The following CPLANE1 variants were observed in gnomAD, a reference collection of about 807,000 sequenced individuals.
The protein encoded by CPLANE1 is ciliogenesis and planar polarity effector 1.
A neutral mutation model predicts 362.5 loss-of-function variants in CPLANE1; 263 were observed. The ratio of observed to expected loss-of-function variants is 0.73; its 90% CI spans 0.66 to 0.80. The LOEUF (loss-of-function observed/expected upper bound fraction) is 0.80, where lower values mean the gene tolerates loss of function less well. Among genes scored for constraint, CPLANE1 ranks in the 30% least tolerant of loss-of-function variants. CPLANE1 has a pLI of 0.00. For synonymous variants in CPLANE1, 1,212 were observed against 1,302.6 expected, an observed-to-expected ratio of 0.93 and a Z score of 1.50; for missense variants, 3,461 against 3,793.4, an observed-to-expected ratio of 0.91 and a Z score of 2.30.
chr5:37,204,344 T>C (rs951965583), intron 18 of CPLANE1, among the ~76,000 whole-genome samples: 1 of 152,234 alleles, frequency 6.6e-6, no homozygotes, highest in Non-Finnish European at 1.5e-5. Context: ...ACAGTTGCCC[T>C]GGTTTTACAT....
At chr5:37,178,747 C>T (rs1781907667) in intron 29 of CPLANE1, among the ~76,000 whole-genome samples, 1 of 151,938 alleles carries the variant, frequency 6.6e-6, no homozygotes, top group South Asian at 2.1e-4. Context: ...TATACTACAG[C>T]TGAATTATAC....
rs200378178 is a variant in CPLANE1, at chr5:37,128,866, CA to C, written c.8793-3458del. On this transcript the variant is annotated intron_variant, in intron 46 of 52. Transcript: ENST00000651892. ...TCTGTCAAAAAAAACCAAAAAAAAA[CA>C]AAAAAAAAATCATCATTCTTCACCG... 6.8e-5 allele frequency among the ~76,000 whole-genome samples: 10 copies of C among 146,050 alleles called. No homozygotes were observed. The East Asian group carries it at 1.0e-3, about 15-fold the overall frequency.
rs767114557 is a variant in CPLANE1 at position 37,157,347 on chromosome 5, G to A, written c.8085C>T (p.Thr2695=). The change falls in exon 41 of 53, where the codon ACC becomes ACT. Residue 2695 remains threonine, a synonymous_variant. Transcript: ENST00000651892. The part of the protein sequence containing the change: ...GITEVKEPSV[T]SPTPSDIQQN... ...GCTGTATGTCTGATGGTGTAGGTGA[G>A]GTGACACTAGGCTCCTTCACTTCTG... The A allele has an allele frequency of 4.3e-6, 6 of 1,383,260 alleles. No individual in the cohort carries two copies. The allele number at this position is 1,383,260 out of a possible 1,614,324, so 85.7% of individuals were successfully genotyped here.
At chr5:37,111,393 G>T (rs1039867754) in intron 51 of CPLANE1, among the ~76,000 whole-genome samples, 1 of 151,948 alleles carries the variant, frequency 6.6e-6, no homozygotes, top group Admixed American at 6.6e-5. Context: ...CAAAGTGCTG[G>T]GATTGTACAG....
At position 37,201,629 on chromosome 5, in the gene CPLANE1, G is replaced by C. The variant is rs1188212004; in HGVS notation, c.3469C>G (p.Pro1157Ala). The C allele has an allele frequency of 6.2e-7, 1 of 1,614,020 alleles. No homozygotes were observed. The highest frequency in any genetic ancestry group is 8.5e-7 in the Non-Finnish European group (1 of 1,180,012). ...LVPFGLYLPA[P>A]PLYCPQPAIL... ...GCTGGCTGGGGACAGTACAATGGAG[G>C]AGCTGGAAGATACAAGCCGAATGGC... is the stretch of plus-strand genomic sequence containing the variant. Residue 1157 changes from proline (P) to alanine (A), a missense_variant, in exon 19 of 53, where the codon CCT becomes GCT. This residue lies in a region of CPLANE1 where 3,380 missense variants were observed against 3,666.1 expected (regional missense o/e 0.92). Transcript: ENST00000651892.
Position 37,169,552 on chromosome 5 carries a change from G to A in CPLANE1, c.6472C>T (p.His2158Tyr). The A allele has an allele frequency of 6.3e-7, 1 of 1,596,522 alleles. No homozygotes were observed. Among genetic ancestry groups the A allele is most frequent in the East Asian group, 2.2e-5 (1 of 44,674 alleles). Residue 2158 changes from histidine (H) to tyrosine (Y), a missense_variant, in exon 34 of 53, where the codon CAT becomes TAT. Around this residue, in one of 2 missense-constraint regions of CPLANE1, gnomAD observed 3,380 missense variants for 3,666.1 expected, o/e 0.92. Coordinates refer to ENST00000651892, the MANE Select transcript of CPLANE1 (RefSeq NM_001384732.1). Reference protein sequence around the residue: ...NSTGNVQNVPHGSIPLCQLNG... With the variant: ...NSTGNVQNVPYGSIPLCQLNG... ...AATTGACATAAAGGAATACTCCCATGTGGAACATTCTGGAAGAGAAAAAAG... is the reference window on the plus strand; with the variant it reads ...AATTGACATAAAGGAATACTCCCATATGGAACATTCTGGAAGAGAAAAAAG...
rs373199163 is a variant in CPLANE1 at position 37,177,655 on chromosome 5, T to C, written c.5866A>G (p.Thr1956Ala). Residue 1956 changes from threonine (T) to alanine (A), a missense_variant, in exon 30 of 53, where the codon ACA (threonine) becomes GCA (alanine). Around this residue, in one of 2 missense-constraint regions of CPLANE1, gnomAD observed 3,380 missense variants for 3,666.1 expected, o/e 0.92. Transcript: ENST00000651892. Reference protein sequence around the residue: ...VQCQREEPLETIMEEKSTEQK... With the variant: ...VQCQREEPLEAIMEEKSTEQK... ...TCAGTCGATTTTTCCTCCATAATTG[T>C]CTCCAGTGGTTCTTCCCTTTGACAC... is the stretch of plus-strand genomic sequence containing the variant. 22 of 1,613,842 alleles carry C rather than the reference T, an allele frequency of 1.4e-5. No homozygotes were observed. Among genetic ancestry groups the C allele is most frequent in the Non-Finnish European group, 1.9e-5 (22 of 1,179,894 alleles).
At chr5:37,162,405 C>G in intron 38 of CPLANE1, 60 bp downstream of exon 38, 7 of 1,030,390 alleles carry the variant, frequency 6.8e-6, no homozygotes, top group Non-Finnish European at 8.8e-6. Flanking sequence ...AAGGAAAAGT[C>G]TAGATAACTT....
chr5:37,188,594 T>C (rs555414534), intron 21 of CPLANE1, among the ~76,000 whole-genome samples: 5 of 152,282 alleles, frequency 3.3e-5, no homozygotes, highest in Non-Finnish European at 5.9e-5. Context: ...ACAACCACTA[T>C]GGAAAACAGT....
chr5:37,120,294 C>T lies in CPLANE1; in HGVS notation c.9232G>A (p.Val3078Ile). 6.3e-7 allele frequency: 1 copy of T among 1,598,842 alleles called. No individual in the cohort carries two copies. The highest frequency in any genetic ancestry group is 8.5e-7 in the Non-Finnish European group (1 of 1,174,818). ...HSFLINRPGK[V>I]KYMSKPSYIH... Reference sequence around the variant, plus strand: ...TAACTCGGTTTGGACATATATTTGACTTTTCCAGGTCGATTTATTAGAAAA... The same window carrying T: ...TAACTCGGTTTGGACATATATTTGATTTTTCCAGGTCGATTTATTAGAAAA... Residue 3078 changes from valine to isoleucine, a missense_variant, in exon 50 of 53, where the codon GTC becomes ATC. Coordinates refer to ENST00000651892, the MANE Select transcript of CPLANE1 (RefSeq NM_001384732.1).
intron 47 of CPLANE1, among the ~76,000 whole-genome samples, chr5:37,123,697 AT>A (rs552739315): frequency 6.6e-6 from 1 of 150,738 alleles, no homozygotes. Flanking sequence ...TCATTTTCTT[AT>A]TTTTTTTTGT....
intron 42 of CPLANE1, among the ~76,000 whole-genome samples, chr5:37,152,153 C>T (rs1181955794): frequency 1.3e-5 from 2 of 151,858 alleles, no homozygotes; most frequent in Non-Finnish European, 2.9e-5. Flanking sequence ...TTTGCATTTC[C>T]CAATATTAGA....
intron 16 of CPLANE1, among the ~76,000 whole-genome samples, 193 bp from the exon 17 acceptor site, chr5:37,206,618 G>A (rs1337883323): frequency 7.3e-5 from 11 of 151,724 alleles, no homozygotes. Flanking sequence ...TCATTCGTGG[G>A]TCATGAAACA....
rs750309540 is a variant in CPLANE1 at position 37,118,279 on chromosome 5, G to A, written c.9310+1937C>T. 5.5e-4 allele frequency among the ~76,000 whole-genome samples: 83 copies of A among 151,548 alleles called. 1 individual carries two copies. The highest frequency in any genetic ancestry group is 3.4e-4 in the Non-Finnish European group (23 of 67,930). Reference sequence around the variant, plus strand: ...AAATTAGCTGGGCATGGTGGCACACGCCTATAATCACAGCTACTCGGGAGG... The same window carrying A: ...AAATTAGCTGGGCATGGTGGCACACACCTATAATCACAGCTACTCGGGAGG... On this transcript the variant is annotated intron_variant, in intron 50 of 52. Coordinates refer to ENST00000651892, the MANE Select transcript of CPLANE1 (RefSeq NM_001384732.1).
intron 5 of CPLANE1, 44 bp downstream of exon 5, chr5:37,244,331 T>A: frequency 1.5e-6 from 2 of 1,319,718 alleles, no homozygotes; most frequent in Non-Finnish European, 2.1e-6. Context: ...CATTACACAC[T>A]CTGCTAATCT....
intron 47 of CPLANE1, among the ~76,000 whole-genome samples, chr5:37,124,592 T>G (rs544323205): frequency 4.6e-5 from 7 of 152,220 alleles, no homozygotes; most frequent in Admixed American, 6.5e-5. Context: ...GCCCTTTGTC[T>G]CCCAGGCTGG....
chr5:37,086,450 C>A, the CPLANE1 span, among the ~76,000 whole-genome samples: 6 of 152,292 alleles, frequency 3.9e-5, no homozygotes, highest in Admixed American at 3.9e-4. Context: ...CTTGGAAGGC[C>A]AAAAGGTTTT....
At chr5:37,201,281 A>G (rs1200388322) in intron 19 of CPLANE1, among the ~76,000 whole-genome samples, 2 of 152,046 alleles carry the variant, frequency 1.3e-5, no homozygotes, top group East Asian at 3.9e-4. Flanking sequence ...TGTTACAATA[A>G]TTTTAACATT....
chr5:37,239,846 C>A lies in CPLANE1; in HGVS notation c.701G>T (p.Trp234Leu). The change falls in exon 7 of 53, where the codon TGG (tryptophan) becomes TTG (leucine). Residue 234 changes from tryptophan (W) to leucine (L), a missense_variant. Physicochemically the swap from Trp to Leu is moderately conservative, Grantham distance 61. Around this residue, in one of 2 missense-constraint regions of CPLANE1, gnomAD observed 3,380 missense variants for 3,666.1 expected, o/e 0.92. Coordinates refer to ENST00000651892, the MANE Select transcript of CPLANE1 (RefSeq NM_001384732.1). ...SVRSLPYHVHWAQQDCHLCSL... is the reference protein window; with the variant it reads ...SVRSLPYHVHLAQQDCHLCSL... ...ACAGAGATGACAGTCTTGTTGAGCC[C>A]AATGAACATGGTATGGCAATGATCT... The A allele has an allele frequency of 1.3e-6, 2 of 1,515,964 alleles. No individual in the cohort carries two copies. Among genetic ancestry groups the A allele is most frequent in the Non-Finnish European group, 1.8e-6 (2 of 1,126,212 alleles). 93.9% of individuals were successfully genotyped at this position (1,515,964 alleles called of 1,614,324 possible).
Sources: allele counts gnomAD v4.1 joint callset (sites outside exome capture counted in the v4.1 genomes callset), GRCh38; gene constraint gnomAD v4.1.1; regional missense constraint gnomAD v4.1.1; transcripts MANE v1.5; gene names NCBI Gene and HGNC (gene_info 2026-07-23, HGNC 2026-07-21).